CCDC91: variants seen among roughly 807,000 people sequenced by gnomAD.
The protein encoded by CCDC91 is coiled-coil domain containing 91.
CCDC91 carries 48 observed loss-of-function variants against 63.2 expected under a neutral mutation model. The ratio of observed to expected loss-of-function variants is 0.76; its 90% CI spans 0.60 to 0.97. The LOEUF is 0.97. CCDC91 is among the 50% of genes least tolerant of loss of function. The probability of loss-of-function intolerance (pLI) is 0.00; values close to 1 mark genes in which losing one functional copy is unlikely to be tolerated. For synonymous variants in CCDC91, 167 were observed against 165.8 expected (o/e 1.01, Z -0.06); for missense variants, 500 against 494.6 (o/e 1.01, Z -0.10).
At chr12:28,517,333 G>A (rs1940063438) in intron 12 of CCDC91, among the ~76,000 whole-genome samples, 1 of 151,888 alleles carries the variant, frequency 6.6e-6, no homozygotes, top group African/African-American at 2.4e-5. Context: ...TTCAGAAGTG[G>A]TGTTTATATT....
chr12:28,363,012 C>T (rs1944006244), intron 7 of CCDC91, among the ~76,000 whole-genome samples: 1 of 152,000 alleles, frequency 6.6e-6, no homozygotes, highest in Admixed American at 6.5e-5. Flanking sequence ...CAATTCTGTG[C>T]CTGCATAAGC....
chr12:28,351,955 C>CCT (rs1299636054), intron 6 of CCDC91, among the ~76,000 whole-genome samples: 2 of 152,088 alleles, frequency 1.3e-5, no homozygotes, highest in Non-Finnish European at 2.9e-5. Context: ...TCTGGATAAC[C>CCT]CTATACAGGC....
intron 11 of CCDC91, among the ~76,000 whole-genome samples, chr12:28,481,607 T>C (rs1248690064): frequency 6.6e-6 from 1 of 151,904 alleles, no homozygotes; most frequent in Non-Finnish European, 1.5e-5. Flanking sequence ...CAAACAAAAT[T>C]TATTAATCAA....
At chr12:28,338,595 G>A (rs976370594) in intron 6 of CCDC91, among the ~76,000 whole-genome samples, 1 of 152,010 alleles carries the variant, frequency 6.6e-6, no homozygotes, top group Non-Finnish European at 1.5e-5. Context: ...CCAAGGTAAG[G>A]ATTTTGGATT....
chr12:28,313,746 G>C (rs1339534839), intron 6 of CCDC91, among the ~76,000 whole-genome samples: 3 of 151,970 alleles, frequency 2.0e-5, no homozygotes, highest in Non-Finnish European at 2.9e-5. Context: ...TTCCTGTTCT[G>C]TCCAGGGTGT....
chr12:28,542,851 G>A (rs888423755), intron 12 of CCDC91, among the ~76,000 whole-genome samples: 3 of 151,960 alleles, frequency 2.0e-5, no homozygotes, highest in African/African-American at 7.3e-5. Context: ...GGAACACGTT[G>A]TAAGAAACAC....
At chr12:28,301,867 AT>A (rs1225910273) in intron 3 of CCDC91, among the ~76,000 whole-genome samples, 1 of 151,004 alleles carries the variant, frequency 6.6e-6, no homozygotes, top group African/African-American at 2.4e-5. Flanking sequence ...TTGCTTACTA[AT>A]TTTTTCTGTT....
chr12:28,394,155 CT>C (rs1349939675), intron 8 of CCDC91, among the ~76,000 whole-genome samples: 2 of 152,158 alleles, frequency 1.3e-5, no homozygotes, highest in African/African-American at 4.8e-5. Context: ...CAGTATGATG[CT>C]TTTTAAGTGC....
chr12:28,500,821 C>T (rs190694241), intron 12 of CCDC91, among the ~76,000 whole-genome samples: 1 of 151,636 alleles, frequency 6.6e-6, no homozygotes, highest in Non-Finnish European at 1.5e-5. Flanking sequence ...TGGAATGTTC[C>T]CTGCCCTCCC....
intron 6 of CCDC91, among the ~76,000 whole-genome samples, chr12:28,329,723 C>T (rs1254827032): frequency 6.6e-6 from 1 of 152,074 alleles, no homozygotes; most frequent in South Asian, 2.1e-4. Flanking sequence ...CCCATTAACT[C>T]GTCATTTACA....
chr12:28,431,757 A>G (rs904394874), intron 8 of CCDC91, among the ~76,000 whole-genome samples: 1 of 151,704 alleles, frequency 6.6e-6, no homozygotes, highest in Non-Finnish European at 1.5e-5. Flanking sequence ...TATCACCATA[A>G]TTTGCATTGG....
chr12:28,469,978 C>A (rs1489297244), intron 11 of CCDC91, among the ~76,000 whole-genome samples: 1 of 152,002 alleles, frequency 6.6e-6, no homozygotes, highest in African/African-American at 2.4e-5. Context: ...ACTATGAAAC[C>A]ACTTCAAGAA....
At chr12:28,349,667 G>T (rs1943050108) in intron 6 of CCDC91, among the ~76,000 whole-genome samples, 1 of 152,064 alleles carries the variant, frequency 6.6e-6, no homozygotes, top group African/African-American at 2.4e-5. Flanking sequence ...CTCCTGTCTG[G>T]TGAGGATAAT....
chr12:28,425,147 A>ATT (rs1948237921), intron 8 of CCDC91, among the ~76,000 whole-genome samples: 1 of 152,092 alleles, frequency 6.6e-6, no homozygotes, highest in Non-Finnish European at 1.5e-5. Context: ...GTGCACAGCC[A>ATT]ATACATTGTA....
chr12:28,546,903 T>G (rs1293254730), intron 12 of CCDC91, among the ~76,000 whole-genome samples: 1 of 152,088 alleles, frequency 6.6e-6, no homozygotes, highest in Non-Finnish European at 1.5e-5. Context: ...GGGTGTGCAC[T>G]CAGGTTGTAA....
intron 8 of CCDC91, among the ~76,000 whole-genome samples, chr12:28,416,985 T>C (rs1014733421): frequency 2.6e-5 from 4 of 152,164 alleles, no homozygotes; most frequent in African/African-American, 9.6e-5. Context: ...TCTGGTTTCA[T>C]CTTTTTCTGT....
chr12:28,523,621 T>C (rs1940962846), intron 12 of CCDC91, among the ~76,000 whole-genome samples: 1 of 152,208 alleles, frequency 6.6e-6, no homozygotes. Context: ...GTCATTATGA[T>C]ATTAACTGGT....
chr12:28,226,099 G>T (rs1174635486), intron 1 of CCDC91: 1 of 152,066 alleles, frequency 6.6e-6, no homozygotes, highest in East Asian at 1.9e-4. Context: ...TCTCCTTATT[G>T]ATTTAACCAG....
At position 28,243,763 on chromosome 12, in the gene CCDC91, A is replaced by G. The variant is rs1244798466; in HGVS notation, c.-14-13439A>G. Among the ~76,000 whole-genome samples the G allele has an allele frequency of 2.6e-5, 4 of 152,312 alleles. No homozygotes were observed. The East Asian group carries it at 7.7e-4, about 29-fold the overall frequency. Reference sequence around the variant, plus strand: ...ATATTACTTGTAAAAACCGAGGGAGAAATTAAAAGTCTGAATCTTCCCACA... The same window carrying G: ...ATATTACTTGTAAAAACCGAGGGAGGAATTAAAAGTCTGAATCTTCCCACA... On this transcript the variant is annotated intron_variant, in intron 1 of 12. Transcript: ENST00000536442.
Sources: gnomAD v4.1 joint callset for allele counts (sites outside exome capture counted in the v4.1 genomes callset) on GRCh38, gnomAD v4.1.1 for gene constraint, MANE v1.5 for transcripts, NCBI Gene and HGNC (gene_info 2026-07-23, HGNC 2026-07-21) for gene names.